The following BNC2 variants were observed in gnomAD, a reference collection of about 807,000 sequenced individuals.
BNC2 encodes basonuclin zinc finger protein 2, also known as zinc finger protein basonuclin-2.
In BNC2, 20 loss-of-function variants were observed where a neutral mutation model predicts 76.3. That is an observed-to-expected ratio of 0.26 (90% confidence interval 0.18 to 0.38). BNC2 has a LOEUF of 0.38. Ranked by LOEUF, BNC2 falls within the 10% of genes least tolerant of loss-of-function variation. The pLI is 1.00. For synonymous variants in BNC2, 582 were observed against 514.8 expected, an observed-to-expected ratio of 1.13 and a Z score of -1.77; for missense variants, 1,382 against 1,399.8, an observed-to-expected ratio of 0.99 and a Z score of 0.20.
At chr9:16,453,277 T>A (rs1334965551) in intron 5 of BNC2, among the ~76,000 whole-genome samples, 1 of 152,132 alleles carries the variant, frequency 6.6e-6, no homozygotes, top group African/African-American at 2.4e-5. Flanking sequence ...TTGTCTAATA[T>A]CATGAAGTGA....
At chr9:16,578,690 G>GCT (rs1331587798) in intron 4 of BNC2, among the ~76,000 whole-genome samples, 4 of 152,064 alleles carry the variant, frequency 2.6e-5, no homozygotes, top group African/African-American at 9.6e-5. Context: ...GCCCATTACT[G>GCT]CTCTTATCCT....
intron 1 of BNC2, among the ~76,000 whole-genome samples, chr9:16,767,965 A>ATTT (rs764469661): frequency 3.6e-5 from 5 of 138,750 alleles, no homozygotes; most frequent in Non-Finnish European, 3.1e-5. Context: ...AGGTTATGCA[A>ATTT]TTTTTTTTTT....
Position 16,809,174 on chromosome 9 carries a change from G to A in BNC2, c.3+61472C>T, listed in dbSNP as rs149168279. Among the ~76,000 whole-genome samples, 3 of 152,254 alleles carry A rather than the reference G, an allele frequency of 2.0e-5. No individual in the cohort carries two copies. In the East Asian group the frequency reaches 5.8e-4, roughly 30 times the overall value. On this transcript the variant is annotated intron_variant, in intron 1 of 6. Transcript: ENST00000380672. ...TGCCCTTTGTCAGAACAAGGGCCTT[G>A]TCTCAGCGCTGCATGTGATGGGAGC...
intron 5 of BNC2, among the ~76,000 whole-genome samples, chr9:16,496,829 C>A (rs1822401266): frequency 6.6e-6 from 1 of 152,176 alleles, no homozygotes; most frequent in African/African-American, 2.4e-5. Flanking sequence ...TCTATTCAAG[C>A]CGATGCTGTA....
At chr9:16,566,448 A>C (rs1014595182) in intron 4 of BNC2, among the ~76,000 whole-genome samples, 3 of 152,174 alleles carry the variant, frequency 2.0e-5, no homozygotes, top group African/African-American at 7.2e-5. Flanking sequence ...GAAGGTGGGT[A>C]ATTAAGGCAA....
At chr9:16,788,414 G>A (rs528412628) in intron 1 of BNC2, among the ~76,000 whole-genome samples, 19 of 151,972 alleles carry the variant, frequency 1.3e-4, no homozygotes, top group South Asian at 6.2e-4. Flanking sequence ...TTAGCCGGGC[G>A]TGGTGGTAGG....
At chr9:16,846,179 A>C (rs994703162) in intron 1 of BNC2, among the ~76,000 whole-genome samples, 14 of 152,044 alleles carry the variant, frequency 9.2e-5, no homozygotes, top group Admixed American at 6.5e-4. Context: ...AAAATTAAAA[A>C]GAGCTACGTT....
rs185271025 is a variant in BNC2 at position 16,852,590 on chromosome 9, T to C, written c.3+18056A>G. Among the ~76,000 whole-genome samples the C allele has an allele frequency of 4.7e-3, 714 of 152,242 alleles. 24 individuals are homozygous for C. The highest frequency in any genetic ancestry group is 0.045 in the Admixed American group (685 of 15,282). On this transcript the variant is annotated intron_variant, in intron 1 of 6. Coordinates refer to ENST00000380672, the MANE Select transcript of BNC2 (RefSeq NM_017637.6). ...AGGACCCTGTTCTTATGGGGCTTCA[T>C]GGTGGTGGGAAGATAAACTACATGT...
intron 5 of BNC2, among the ~76,000 whole-genome samples, chr9:16,534,156 G>T (rs1290860111): frequency 3.3e-5 from 5 of 152,106 alleles, no homozygotes; most frequent in African/African-American, 1.2e-4. Context: ...GATATTAGAA[G>T]ATGCAATTTT....
intron 3 of BNC2, among the ~76,000 whole-genome samples, chr9:16,616,373 C>T (rs568151052): frequency 4.6e-5 from 7 of 151,614 alleles, no homozygotes; most frequent in East Asian, 1.9e-4. Flanking sequence ...GCCTGGGTGA[C>T]GGAGAGAGAC....
chr9:16,747,411 A>G (rs576130686), intron 1 of BNC2, among the ~76,000 whole-genome samples: 3 of 152,234 alleles, frequency 2.0e-5, no homozygotes, highest in Non-Finnish European at 4.4e-5. Flanking sequence ...AAGGGCACAG[A>G]GTCAAGGAGA....
At chr9:16,583,183 A>G in intron 3 of BNC2, 98 bp from the exon 4 acceptor site, 2 of 995,392 alleles carry the variant, frequency 2.0e-6, no homozygotes, top group Non-Finnish European at 3.2e-6. Context: ...ATTTTTAAAG[A>G]TTTTATGATG....
chr9:16,730,220 G>T (rs544647528), intron 2 of BNC2, among the ~76,000 whole-genome samples: 4 of 152,244 alleles, frequency 2.6e-5, no homozygotes, highest in African/African-American at 9.6e-5. Flanking sequence ...CGTGGACCGG[G>T]CCATGTCAAA....
At chr9:16,719,883 T>C (rs879261364) in intron 3 of BNC2, among the ~76,000 whole-genome samples, 1 of 152,214 alleles carries the variant, frequency 6.6e-6, no homozygotes, top group Non-Finnish European at 1.5e-5. Context: ...TTCAACCTAC[T>C]GCACTGCCCT....
At chr9:16,753,578 G>A (rs557592858) in intron 1 of BNC2, among the ~76,000 whole-genome samples, 4 of 152,094 alleles carry the variant, frequency 2.6e-5, no homozygotes, top group African/African-American at 9.7e-5. Flanking sequence ...TATGGCAAGG[G>A]GTAAACAGAC....
At chr9:16,556,766 CAAA>C (rs397936765) in intron 4 of BNC2, among the ~76,000 whole-genome samples, 1 of 127,312 alleles carries the variant, frequency 7.9e-6, no homozygotes, top group African/African-American at 2.9e-5. Context: ...GACTCTAACT[CAAA>C]AAAAAAAAAA....
At chr9:16,631,194 A>G (rs1405567341) in intron 3 of BNC2, among the ~76,000 whole-genome samples, 1 of 152,192 alleles carries the variant, frequency 6.6e-6, no homozygotes, top group Non-Finnish European at 1.5e-5. Context: ...GTATTCTTTC[A>G]TAATTTGAGC....
Position 16,802,300 on chromosome 9 carries a change from T to C in BNC2, c.4-63815A>G, listed in dbSNP as rs542970479. Among the ~76,000 whole-genome samples, 10 of 152,348 alleles carry C rather than the reference T, an allele frequency of 6.6e-5. No individual in the cohort carries two copies. In the South Asian group the frequency reaches 8.3e-4, roughly 13 times the overall value. On this transcript the variant is annotated intron_variant, in intron 1 of 6. Coordinates refer to ENST00000380672, the MANE Select transcript of BNC2 (RefSeq NM_017637.6). Reference sequence around the variant, plus strand: ...AAAACAAGATGCCCGAGCAAACTAATGGACCAACAGTCCACTGCAGTGTCT... The same window carrying C: ...AAAACAAGATGCCCGAGCAAACTAACGGACCAACAGTCCACTGCAGTGTCT...
intron 1 of BNC2, among the ~76,000 whole-genome samples, chr9:16,813,290 G>A (rs1214217437): frequency 6.6e-6 from 1 of 151,736 alleles, no homozygotes; most frequent in East Asian, 2.0e-4. Flanking sequence ...TTTTGAGACG[G>A]AGTCTGGCTC....
Sources: gnomAD v4.1 joint callset for allele counts (sites outside exome capture counted in the v4.1 genomes callset) on GRCh38, gnomAD v4.1.1 for gene constraint, MANE v1.5 for transcripts, NCBI Gene and HGNC (gene_info 2026-07-23, HGNC 2026-07-21) for gene names.